Variants in HMCN1 observed in about 807,000 individuals in gnomAD.
HMCN1 encodes the protein hemicentin 1, also known as hemicentin-1.
HMCN1 carries 321 observed loss-of-function variants against 625.9 expected under a neutral mutation model. The observed-to-expected ratio is 0.51, with a 90% CI of 0.47 to 0.56. HMCN1 has a LOEUF of 0.56. HMCN1 is among the 20% of genes least tolerant of loss of function. The probability of loss-of-function intolerance (pLI) is 0.00; values close to 1 mark genes in which losing one functional copy is unlikely to be tolerated. For missense variants in HMCN1, 6,588 were observed against 6,887.3 expected (o/e 0.96, Z 1.54); for synonymous variants, 2,425 against 2,417.6 (o/e 1.00, Z -0.09).
intron 103 of HMCN1, among the ~76,000 whole-genome samples, chr1:186,178,113 G>A (rs1464967027): frequency 6.6e-6 from 1 of 152,180 alleles, no homozygotes; most frequent in Non-Finnish European, 1.5e-5. Flanking sequence ...AAAGGGGTAT[G>A]AACTTACAGA....
At chr1:185,759,611 C>T (rs1439058942) in intron 1 of HMCN1, among the ~76,000 whole-genome samples, 1 of 152,068 alleles carries the variant, frequency 6.6e-6, no homozygotes, top group Non-Finnish European at 1.5e-5. Context: ...AATTTAAATT[C>T]ACTAACTTGT....
At chr1:185,798,570 A>G (rs1229285888) in intron 1 of HMCN1, among the ~76,000 whole-genome samples, 2 of 151,972 alleles carry the variant, frequency 1.3e-5, no homozygotes, top group Non-Finnish European at 2.9e-5. Context: ...TCATTTTAAC[A>G]AATTCTTTTT....
intron 72 of HMCN1, among the ~76,000 whole-genome samples, chr1:186,113,508 C>T (rs977385197): frequency 2.0e-4 from 30 of 152,128 alleles, no homozygotes; most frequent in African/African-American, 7.2e-4. Context: ...CTGTCTATTC[C>T]CATATGAACT....
chr1:185,951,751 G>C (rs535643761), intron 11 of HMCN1, among the ~76,000 whole-genome samples: 1 of 151,742 alleles, frequency 6.6e-6, no homozygotes, highest in African/African-American at 2.4e-5. Context: ...CCAGATTTCC[G>C]GCACGTGTAG....
chr1:185,804,745 C>T (rs1659058279), intron 1 of HMCN1, among the ~76,000 whole-genome samples: 1 of 151,932 alleles, frequency 6.6e-6, no homozygotes, highest in Non-Finnish European at 1.5e-5. Context: ...GACCTGATTC[C>T]GCAGAAATTC....
intron 23 of HMCN1, chr1:185,993,512 C>A (rs151092006): frequency 1.5e-5 from 8 of 538,876 alleles, no homozygotes; most frequent in Non-Finnish European, 2.6e-5. Context: ...CTGTTTCTTC[C>A]TTTATCAAAT....
chr1:186,072,985 G>T (rs1259934906), intron 52 of HMCN1, among the ~76,000 whole-genome samples: 3 of 152,174 alleles, frequency 2.0e-5, no homozygotes, highest in South Asian at 2.1e-4. Context: ...TATTGCAATG[G>T]TTATGGCAAT....
intron 77 of HMCN1, 148 bp from the exon 78 acceptor site, chr1:186,119,042 CT>C (rs1661264946): frequency 6.1e-6 from 4 of 656,226 alleles, no homozygotes; most frequent in African/African-American, 1.8e-5. Context: ...AATTTAAGTA[CT>C]GTGCTAGGCA....
At position 186,018,175 on chromosome 1, in the gene HMCN1, T is replaced by C; in HGVS notation, c.5301-8T>C. The C allele has an allele frequency of 6.2e-7, 1 of 1,610,656 alleles. No individual in the cohort carries two copies. The highest frequency in any genetic ancestry group is 8.5e-7 in the Non-Finnish European group (1 of 1,177,158). ...TTTATCCAGACTTCCTTTTGCCTTT[T>C]TCTATAGGTGGCTGAAGGATGGCCA... On this transcript the variant is annotated splice_polypyrimidine_tract_variant and splice_region_variant and intron_variant, in intron 33 of 106. Coordinates refer to ENST00000271588, the MANE Select transcript of HMCN1 (RefSeq NM_031935.3).
At chr1:185,743,715 A>T (rs545323436) in intron 1 of HMCN1, among the ~76,000 whole-genome samples, 93 of 152,326 alleles carry the variant, frequency 6.1e-4, no homozygotes, top group Admixed American at 1.2e-3. Flanking sequence ...GGAAAAATTT[A>T]AAAATGGATA....
intron 89 of HMCN1, 102 bp downstream of exon 89, chr1:186,138,074 A>G (rs1649731390): frequency 1.6e-6 from 2 of 1,225,110 alleles, no homozygotes; most frequent in Non-Finnish European, 2.4e-6. Flanking sequence ...AAAAGATGTT[A>G]TGGCCTCTAC....
intron 63 of HMCN1, among the ~76,000 whole-genome samples, chr1:186,090,358 A>G (rs572583594): frequency 2.6e-5 from 4 of 152,140 alleles, no homozygotes; most frequent in South Asian, 2.1e-4. Context: ...CCAAGTTTTT[A>G]TAAGACAGAG....
At chr1:186,031,951 C>T (rs1655475718) in intron 36 of HMCN1, among the ~76,000 whole-genome samples, 3 of 151,574 alleles carry the variant, frequency 2.0e-5, no homozygotes, top group Admixed American at 1.3e-4. Flanking sequence ...CCTCAATATC[C>T]ACAGGGGATT....
chr1:186,017,650 T>C (rs1479385933), intron 33 of HMCN1, among the ~76,000 whole-genome samples: 1 of 152,034 alleles, frequency 6.6e-6, no homozygotes, highest in Non-Finnish European at 1.5e-5. Flanking sequence ...AATGTAAAAA[T>C]ATAATGCTAT....
At chr1:185,984,958 C>A (rs988175290) in intron 19 of HMCN1, among the ~76,000 whole-genome samples, 11 of 151,978 alleles carry the variant, frequency 7.2e-5, no homozygotes, top group African/African-American at 9.7e-5. Flanking sequence ...ACAAAAAAAA[C>A]CATTGCATTA....
chr1:185,884,964 C>T (rs6666950), intron 4 of HMCN1, among the ~76,000 whole-genome samples: 9,675 of 151,874 alleles, frequency 0.064, 1,082 homozygotes, highest in African/African-American at 0.22. Flanking sequence ...TTACAAATAA[C>T]AGAAGACGTA....
intron 89 of HMCN1, among the ~76,000 whole-genome samples, chr1:186,141,108 C>T (rs1435731689): frequency 6.6e-6 from 1 of 152,152 alleles, no homozygotes; most frequent in East Asian, 1.9e-4. Flanking sequence ...AAGGAGCACA[C>T]AACATAGATC....
At chr1:185,864,267 T>C in intron 2 of HMCN1, among the ~76,000 whole-genome samples, 1 of 152,196 alleles carries the variant, frequency 6.6e-6, no homozygotes, top group East Asian at 1.9e-4. Context: ...TTTGGGTGAA[T>C]TTCTAACTTA....
intron 35 of HMCN1, 32 bp from the exon 36 acceptor site, chr1:186,022,998 A>C: frequency 2.5e-6 from 4 of 1,609,846 alleles, no homozygotes; most frequent in Non-Finnish European, 3.4e-6. Context: ...TATAAGATAC[A>C]AAAATCCTCT....
Sources: allele counts gnomAD v4.1 joint callset (sites outside exome capture counted in the v4.1 genomes callset), GRCh38; gene constraint gnomAD v4.1.1; transcripts MANE v1.5; gene names NCBI Gene and HGNC (gene_info 2026-07-23, HGNC 2026-07-21).